The following KCNJ3 variants were observed in gnomAD, a reference collection of about 807,000 sequenced individuals.
KCNJ3 encodes G protein-activated inward rectifier potassium channel 1.
In KCNJ3, 4 loss-of-function variants were observed where a neutral mutation model predicts 39.2. That is an observed-to-expected ratio of 0.10 (90% CI 0.05 to 0.23). KCNJ3 has a LOEUF of 0.23. Among genes scored for constraint, KCNJ3 ranks in the 10% least tolerant of loss-of-function variants. The pLI is 1.00. For synonymous variants in KCNJ3, 230 were observed against 237.4 expected (o/e 0.97, Z 0.29); for missense variants, 276 against 634.9 (o/e 0.43, Z 6.08).
intron 2 of KCNJ3, among the ~76,000 whole-genome samples, chr2:154,836,235 A>C (rs201582559): frequency 1.0e-5 from 1 of 96,298 alleles, no homozygotes; most frequent in Non-Finnish European, 2.4e-5. Context: ...AAAACAAAAA[A>C]AAAAACAAAA....
intron 2 of KCNJ3, among the ~76,000 whole-genome samples, chr2:154,737,977 C>T (rs879415822): frequency 1.3e-5 from 2 of 152,070 alleles, no homozygotes; most frequent in East Asian, 1.9e-4. Context: ...TGATTAAATT[C>T]GTTAAAATTA....
intron 2 of KCNJ3, among the ~76,000 whole-genome samples, chr2:154,817,957 ATT>A (rs74784924): frequency 0.19 from 29,167 of 151,882 alleles, 3,278 homozygotes; most frequent in East Asian, 0.46. Flanking sequence ...CAAATAAGAA[ATT>A]TTCTTATTTC....
At chr2:154,788,869 A>T (rs1686580587) in intron 2 of KCNJ3, among the ~76,000 whole-genome samples, 1 of 152,082 alleles carries the variant, frequency 6.6e-6, no homozygotes, top group Non-Finnish European at 1.5e-5. Context: ...TGCATGAAAA[A>T]AAATGAGGAT....
intron 2 of KCNJ3, among the ~76,000 whole-genome samples, chr2:154,717,755 A>G (rs970177362): frequency 2.6e-5 from 4 of 152,232 alleles, no homozygotes; most frequent in Non-Finnish European, 1.5e-5. Flanking sequence ...TAGAAGCTCC[A>G]CTTGTGAAAA....
intron 2 of KCNJ3, among the ~76,000 whole-genome samples, chr2:154,751,728 T>G (rs1037962412): frequency 1.1e-4 from 17 of 152,126 alleles, no homozygotes; most frequent in Non-Finnish European, 2.9e-5. Flanking sequence ...ATTTGTTTTT[T>G]GACACTTCTG....
intron 2 of KCNJ3, among the ~76,000 whole-genome samples, chr2:154,762,882 G>A (rs949891622): frequency 1.3e-5 from 2 of 152,134 alleles, no homozygotes; most frequent in Non-Finnish European, 2.9e-5. Context: ...AAGCTACTTG[G>A]ACTAGAGAAA....
At chr2:154,758,038 C>T (rs1282566653) in intron 2 of KCNJ3, among the ~76,000 whole-genome samples, 1 of 149,858 alleles carries the variant, frequency 6.7e-6, no homozygotes, top group Non-Finnish European at 1.5e-5. Flanking sequence ...AAGTACTCAG[C>T]ATTTCAAATT....
intron 2 of KCNJ3, among the ~76,000 whole-genome samples, chr2:154,809,063 A>G (rs1411925032): frequency 1.3e-5 from 2 of 152,184 alleles, no homozygotes; most frequent in Non-Finnish European, 2.9e-5. Flanking sequence ...ACAATGATGT[A>G]GCTGGAGTTT....
In KCNJ3 at chr2:154,767,363, G is replaced by A. The variant is rs548997912; in HGVS notation, c.919+57544G>A. Among the ~76,000 whole-genome samples the A allele has an allele frequency of 1.6e-4, 24 of 151,946 alleles. No individual in the cohort carries two copies. The South Asian group carries it at 4.6e-3, about 29-fold the overall frequency. ...CCCCCACCCCATGACAGGCCCTGGT[G>A]TGCGATGTTCCCCATCCTGTGTCCA... is the stretch of plus-strand genomic sequence containing the variant. On this transcript the variant is annotated intron_variant, in intron 2 of 2. Transcript: ENST00000295101.
At chr2:154,715,032 T>G (rs2105155570) in intron 2 of KCNJ3, among the ~76,000 whole-genome samples, 1 of 152,260 alleles carries the variant, frequency 6.6e-6, no homozygotes, top group African/African-American at 2.4e-5. Flanking sequence ...AAAGCAAATA[T>G]TAATAACTCA....
rs181096417 is a variant in KCNJ3 at position 154,747,389 on chromosome 2, T to G, written c.919+37570T>G. ...GTTTAATTAACATTCTACTTCATTTTTAAACTTTTTGCTTATATACATATT... is the reference window on the plus strand; with the variant it reads ...GTTTAATTAACATTCTACTTCATTTGTAAACTTTTTGCTTATATACATATT... On this transcript the variant is annotated intron_variant, in intron 2 of 2. Coordinates refer to ENST00000295101, the MANE Select transcript of KCNJ3 (RefSeq NM_002239.4). Among the ~76,000 whole-genome samples, 304 of 152,174 alleles carry G rather than the reference T, an allele frequency of 2.0e-3. 1 individual carries two copies. Among genetic ancestry groups the G allele is most frequent in the African/African-American group, 7.0e-3 (292 of 41,542 alleles).
intron 1 of KCNJ3, among the ~76,000 whole-genome samples, chr2:154,705,063 CT>C (rs1286121658): frequency 5.3e-5 from 8 of 152,140 alleles, no homozygotes; most frequent in Non-Finnish European, 1.2e-4. Flanking sequence ...ATGGATCAAA[CT>C]TTAGAATATG....
chr2:154,832,049 G>A (rs1334012226), intron 2 of KCNJ3, among the ~76,000 whole-genome samples: 1 of 152,018 alleles, frequency 6.6e-6, no homozygotes, highest in Non-Finnish European at 1.5e-5. Context: ...CAGGCTCTTT[G>A]TACCAGCTGT....
At chr2:154,803,814 A>G (rs1332740227) in intron 2 of KCNJ3, among the ~76,000 whole-genome samples, 1 of 152,052 alleles carries the variant, frequency 6.6e-6, no homozygotes, top group Non-Finnish European at 1.5e-5. Flanking sequence ...ATTTGAATTA[A>G]AGCTTAATAT....
At chr2:154,834,544 A>C (rs1246007404) in intron 2 of KCNJ3, among the ~76,000 whole-genome samples, 1 of 152,062 alleles carries the variant, frequency 6.6e-6, no homozygotes, top group Non-Finnish European at 1.5e-5. Flanking sequence ...CCTGGCTAAC[A>C]TGGTGAAACG....
intron 2 of KCNJ3, among the ~76,000 whole-genome samples, chr2:154,802,912 T>C (rs1686844459): frequency 6.6e-6 from 1 of 152,014 alleles, no homozygotes; most frequent in Non-Finnish European, 1.5e-5. Context: ...GTAAAATAGT[T>C]TACAGATTCT....
At chr2:154,743,803 G>A (rs74266743) in intron 2 of KCNJ3, among the ~76,000 whole-genome samples, 3,462 of 151,464 alleles carry the variant, frequency 0.023, 118 homozygotes, top group East Asian at 0.15. Flanking sequence ...TTTTCAACAT[G>A]AACACATTTT....
At chr2:154,754,280 T>C (rs1040925339) in intron 2 of KCNJ3, among the ~76,000 whole-genome samples, 2 of 152,212 alleles carry the variant, frequency 1.3e-5, no homozygotes, top group Admixed American at 1.3e-4. Context: ...TCTTTTTTTC[T>C]TTTTTTGAAA....
intron 2 of KCNJ3, among the ~76,000 whole-genome samples, chr2:154,738,284 G>T (rs1046767511): frequency 1.3e-5 from 2 of 152,118 alleles, no homozygotes; most frequent in African/African-American, 4.8e-5. Context: ...GGGAAGGGAG[G>T]TGGGGAGATG....
Sources: allele counts gnomAD v4.1 joint callset (sites outside exome capture counted in the v4.1 genomes callset), GRCh38; gene constraint gnomAD v4.1.1; transcripts MANE v1.5; gene names NCBI Gene and HGNC (gene_info 2026-07-23, HGNC 2026-07-21).